PRKG1: variants seen among roughly 807,000 people sequenced by gnomAD.
PRKG1 encodes the protein protein kinase cGMP-dependent 1.
Under a neutral mutation model 88.1 loss-of-function variants are expected in PRKG1, and 35 were observed. That is an observed-to-expected ratio of 0.40 (90% CI 0.30 to 0.53). The LOEUF (loss-of-function observed/expected upper bound fraction) is 0.53. PRKG1 is among the 20% of genes least tolerant of loss of function. The pLI is 0.59. For synonymous variants in PRKG1, 303 were observed against 292.5 expected, an observed-to-expected ratio of 1.04 and a Z score of -0.37; for missense variants, 540 against 839.8, an observed-to-expected ratio of 0.64 and a Z score of 4.41.
intron 2 of PRKG1, among the ~76,000 whole-genome samples, chr10:51,279,759 A>G (rs61852080): frequency 0.025 from 3,854 of 152,236 alleles, 78 homozygotes; most frequent in Middle Eastern, 0.051. Context: ...TTTTGAGCCT[A>G]TGTGTGTCTC....
chr10:51,722,235 A>T (rs1842030826), intron 3 of PRKG1, among the ~76,000 whole-genome samples: 1 of 151,844 alleles, frequency 6.6e-6, no homozygotes, highest in Non-Finnish European at 1.5e-5. Flanking sequence ...TCTCAAAAAA[A>T]AAAAAACAAC....
chr10:52,277,838 T>C (rs950285433), intron 12 of PRKG1, among the ~76,000 whole-genome samples: 1 of 152,182 alleles, frequency 6.6e-6, no homozygotes, highest in East Asian at 1.9e-4. Flanking sequence ...CATTACAACA[T>C]TAACAATGCA....
intron 1 of PRKG1, among the ~76,000 whole-genome samples, chr10:51,007,093 C>T (rs999805641): frequency 7.9e-5 from 12 of 152,132 alleles, no homozygotes; most frequent in African/African-American, 2.9e-4. Flanking sequence ...TGCCCACCAC[C>T]ACACCTGGCT....
rs117886054 is a variant in PRKG1 at position 51,805,088 on chromosome 10, A to G, written c.698+398A>G. On this transcript the variant is annotated intron_variant, in intron 4 of 17. Transcript: ENST00000373980. ...TTAATATATTTATGACACATCTTCT[A>G]AACAGACTCACACTGTAAGGCCGAG... Among the ~76,000 whole-genome samples, 567 of 152,242 alleles carry G rather than the reference A, an allele frequency of 3.7e-3. 7 individuals carry two copies. In the South Asian group the frequency reaches 0.053, roughly 14 times the overall value.
At position 52,073,375 on chromosome 10, in the gene PRKG1, G is replaced by A. The variant is rs116752983; in HGVS notation, c.935+10744G>A. ...CTCACTACATTCTCTAAAGCAAATCGCGTCATGCCACTTTTCTCCTCAAAG... is the reference window on the plus strand; with the variant it reads ...CTCACTACATTCTCTAAAGCAAATCACGTCATGCCACTTTTCTCCTCAAAG... On this transcript the variant is annotated intron_variant, in intron 7 of 17. Transcript: ENST00000373980. Among the ~76,000 whole-genome samples the A allele has an allele frequency of 8.9e-3, 1,350 of 152,166 alleles. 27 individuals are homozygous for A. The highest frequency in any genetic ancestry group is 0.03 in the African/African-American group (1,229 of 41,510).
At chr10:51,911,328 A>G (rs1345014913) in intron 5 of PRKG1, 1 of 146,172 alleles carries the variant, frequency 6.8e-6, no homozygotes, top group Non-Finnish European at 1.5e-5. Flanking sequence ...CCTAAAAAAA[A>G]AAAAAAACCC....
intron 4 of PRKG1, among the ~76,000 whole-genome samples, chr10:51,821,319 A>G (rs2132728110): frequency 6.6e-6 from 1 of 152,244 alleles, no homozygotes; most frequent in African/African-American, 2.4e-5. Context: ...ATTCTTGAGC[A>G]TGTTTTTCGT....
At chr10:51,352,752 G>GA (rs1046059897) in intron 2 of PRKG1, among the ~76,000 whole-genome samples, 5 of 151,686 alleles carry the variant, frequency 3.3e-5, no homozygotes, top group South Asian at 2.1e-4. Context: ...CATAGAAATA[G>GA]AAAAAAAATC....
At chr10:52,087,938 C>T (rs1211983296) in intron 7 of PRKG1, among the ~76,000 whole-genome samples, 1 of 152,182 alleles carries the variant, frequency 6.6e-6, no homozygotes, top group Non-Finnish European at 1.5e-5. Flanking sequence ...ATGAAAATTT[C>T]TTGAAACACT....
At chr10:51,857,989 G>T (rs1295835458) in intron 4 of PRKG1, among the ~76,000 whole-genome samples, 1 of 145,494 alleles carries the variant, frequency 6.9e-6, no homozygotes, top group Non-Finnish European at 1.5e-5. Flanking sequence ...ACACTGGTCC[G>T]CATTAGTGAG....
At chr10:52,089,568 C>G (rs1272440653) in intron 7 of PRKG1, among the ~76,000 whole-genome samples, 1 of 151,898 alleles carries the variant, frequency 6.6e-6, no homozygotes, top group Non-Finnish European at 1.5e-5. Flanking sequence ...CTAATGAGAT[C>G]CAGGTTTCTT....
chr10:51,221,613 TAA>T lies in PRKG1; in HGVS notation c.478+68299_478+68300del, dbSNP rs566865643. Reference sequence around the variant, plus strand: ...TTCAGCAAGTCAATACAATGTGTTCTAAAAAAAAAAAAAAAAAGATTGGCAAA... The same window carrying T: ...TTCAGCAAGTCAATACAATGTGTTCTAAAAAAAAAAAAAAAGATTGGCAAA... On this transcript the variant is annotated intron_variant, in intron 2 of 17. Coordinates refer to ENST00000373980, the MANE Select transcript of PRKG1 (RefSeq NM_006258.4). 3.8e-3 allele frequency among the ~76,000 whole-genome samples: 485 copies of T among 126,586 alleles called. 5 individuals are homozygous for T. The highest frequency in any genetic ancestry group is 0.011 in the African/African-American group (397 of 34,908). 83.0% of individuals were successfully genotyped at this position (126,586 alleles called of 152,430 possible).
chr10:51,929,793 C>T (rs1325413862), intron 5 of PRKG1, among the ~76,000 whole-genome samples: 2 of 152,128 alleles, frequency 1.3e-5, no homozygotes, highest in East Asian at 1.9e-4. Context: ...TGAATTCTAA[C>T]AAGATTTTTT....
chr10:51,692,908 C>G (rs1841181019), intron 3 of PRKG1, among the ~76,000 whole-genome samples: 1 of 152,042 alleles, frequency 6.6e-6, no homozygotes, highest in Admixed American at 6.5e-5. Flanking sequence ...TAGCTACGTA[C>G]TTTTTATTTT....
At chr10:51,285,877 C>T (rs1435454831) in intron 2 of PRKG1, among the ~76,000 whole-genome samples, 4 of 152,110 alleles carry the variant, frequency 2.6e-5, no homozygotes, top group African/African-American at 4.8e-5. Flanking sequence ...CAGGTGCAGC[C>T]GTAATTCTAG....
In PRKG1 at chr10:51,804,599, A is replaced by C; in HGVS notation, c.607A>C (p.Lys203Gln). Residue 203 changes from lysine to glutamine, a missense_variant, in exon 4 of 18, where the codon AAA becomes CAA. Transcript: ENST00000373980. ...TTTTTCTCCAGCTCTTGTAAATGTA[A>C]AACTCTGGGCCATTGATCGACAATG... ...TATVKTLVNV[K>Q]LWAIDRQCFQ... 1 of 1,593,668 alleles carries C rather than the reference A, an allele frequency of 6.3e-7. No individual in the cohort carries two copies. The highest frequency in any genetic ancestry group is 1.3e-5 in the African/African-American group (1 of 74,440).
chr10:51,804,615 A>G lies in PRKG1; in HGVS notation c.623A>G (p.Asp208Gly). 1 of 1,602,590 alleles carries G rather than the reference A, an allele frequency of 6.2e-7. No individual in the cohort carries two copies. Among genetic ancestry groups the G allele is most frequent in the African/African-American group, 1.3e-5 (1 of 74,684 alleles). The stretch of plus-strand genomic sequence containing the variant: ...GTAAATGTAAAACTCTGGGCCATTG[A>G]TCGACAATGTTTTCAAACAATAATG... ...TLVNVKLWAI[D>G]RQCFQTIMMR... Residue 208 changes from aspartate (D) to glycine (G), a missense_variant, in exon 4 of 18, where the codon GAT (aspartate) becomes GGT (glycine). Around this residue, in one of 5 missense-constraint regions of PRKG1, gnomAD observed 400 missense variants for 562.7 expected, o/e 0.71. Coordinates refer to ENST00000373980, the MANE Select transcript of PRKG1 (RefSeq NM_006258.4).
intron 3 of PRKG1, among the ~76,000 whole-genome samples, chr10:51,762,484 A>G (rs1350476390): frequency 6.6e-6 from 1 of 152,196 alleles, no homozygotes; most frequent in Non-Finnish European, 1.5e-5. Flanking sequence ...ATGTAACTCA[A>G]TAGTATATTC....
intron 2 of PRKG1, among the ~76,000 whole-genome samples, chr10:51,317,867 T>G (rs75679046): frequency 6.6e-6 from 1 of 151,206 alleles, no homozygotes; most frequent in East Asian, 1.9e-4. Flanking sequence ...CTAGCATAGC[T>G]GATTTAGCCT....
Sources: allele counts gnomAD v4.1 joint callset (sites outside exome capture counted in the v4.1 genomes callset), GRCh38; gene constraint gnomAD v4.1.1; regional missense constraint gnomAD v4.1.1; transcripts MANE v1.5; gene names NCBI Gene and HGNC (gene_info 2026-07-23, HGNC 2026-07-21).